The following ARHGAP6 variants were observed in gnomAD, a reference collection of about 807,000 sequenced individuals.
The protein encoded by ARHGAP6 is rho GTPase-activating protein 6.
ARHGAP6 carries 16 observed loss-of-function variants against 55.7 expected under a neutral mutation model. The ratio of observed to expected loss-of-function variants is 0.29; its 90% CI spans 0.19 to 0.44. ARHGAP6 has a LOEUF of 0.44. Ranked by LOEUF, ARHGAP6 falls within the 20% of genes least tolerant of loss-of-function variation. The pLI is 1.00. For missense variants in ARHGAP6, 698 were observed against 808.9 expected (o/e 0.86, Z 1.66); for synonymous variants, 382 against 360.9 (o/e 1.06, Z -0.66).
intron 1 of ARHGAP6, among the ~76,000 whole-genome samples, chrX:11,532,538 TCTGG>T (rs2051061668): frequency 8.9e-6 from 1 of 112,715 alleles, no homozygotes; most frequent in Non-Finnish European, 1.9e-5. Flanking sequence ...TTCTCCAGCC[TCTGG>T]CTGGAAGTAA....
At position 11,405,133 on chromosome X, in the gene ARHGAP6, T is replaced by C. The variant is rs747439691; in HGVS notation, c.589-150426A>G. On this transcript the variant is annotated intron_variant, in intron 1 of 12. Coordinates refer to ENST00000337414, the MANE Select transcript of ARHGAP6 (RefSeq NM_013427.3). ...CAAACGTTAGAGCAGTTCCTGACTCTACTTCTTCATTGCTGCTCTCTTTTC... is the reference window on the plus strand; with the variant it reads ...CAAACGTTAGAGCAGTTCCTGACTCCACTTCTTCATTGCTGCTCTCTTTTC... Among the ~76,000 whole-genome samples the C allele has an allele frequency of 1.1e-4, 12 of 111,841 alleles. No individual in the cohort carries two copies. The South Asian group carries it at 4.6e-3, about 43-fold the overall frequency.
chrX:11,351,278 T>C (rs2048860653), intron 1 of ARHGAP6: 1 of 817,962 alleles, frequency 1.2e-6, no homozygotes, highest in East Asian at 9.9e-5. Flanking sequence ...AAAATAAAAA[T>C]GAACTTTACA....
At chrX:11,497,559 T>TTCTCTC (rs34138329) in intron 1 of ARHGAP6, among the ~76,000 whole-genome samples, 6,783 of 41,034 alleles carry the variant, frequency 0.17, 750 homozygotes, top group Non-Finnish European at 0.22. Flanking sequence ...CCCTCCCTCC[T>TTCTCTC]TCTCTCTCTC....
chrX:11,343,880 T>G (rs1343537315), intron 1 of ARHGAP6, among the ~76,000 whole-genome samples: 2 of 112,219 alleles, frequency 1.8e-5, no homozygotes, highest in Non-Finnish European at 3.8e-5. Context: ...TGTTTTGTAT[T>G]CTGATAAAAG....
rs2052140186 is a variant in ARHGAP6 at position 11,614,502 on chromosome X, AACTC to A, written c.588+49735_588+49738del. ...CTTTCAAACAACCAGATCTCATGAG[AACTC>A]ACTCACTGTCATGAGAACAGCAAGG... On this transcript the variant is annotated intron_variant, in intron 1 of 12. Transcript: ENST00000337414. Among the ~76,000 whole-genome samples the A allele has an allele frequency of 2.7e-5, 3 of 111,410 alleles. No individual in the cohort carries two copies. In the Admixed American group the frequency reaches 2.9e-4, roughly 11 times the overall value.
rs770470448 is a variant in ARHGAP6, at chrX:11,188,939, G to T, written c.866C>A (p.Ala289Glu). 5.8e-6 allele frequency: 7 copies of T among 1,210,955 alleles called. No individual in the cohort carries two copies. Among genetic ancestry groups the T allele is most frequent in the Non-Finnish European group, 3.4e-6 (3 of 895,064 alleles). ...AFGMPLSQVI[A>E]NDRAYKLKQD... ...CTTGAGTTTATAGGCCCTGTCATTC[G>T]CAATGACTTGGGATAAGGGCATTCC... The change falls in exon 4 of 13, where the codon GCG becomes GAG. Residue 289 changes from alanine to glutamate, a missense_variant. By Grantham distance (107) the Ala-to-Glu change is moderately radical (BLOSUM62 -1). This residue lies in a region of ARHGAP6 where 322 missense variants were observed against 451.1 expected (regional missense o/e 0.71). Coordinates refer to ENST00000337414, the MANE Select transcript of ARHGAP6 (RefSeq NM_013427.3).
At chrX:11,557,741 A>G (rs982674592) in intron 1 of ARHGAP6, among the ~76,000 whole-genome samples, 2 of 112,483 alleles carry the variant, frequency 1.8e-5, no homozygotes, top group Non-Finnish European at 3.8e-5. Context: ...ATCCTTAGCT[A>G]GGACAATTTT....
At chrX:11,441,199 G>C (rs183383936) in intron 1 of ARHGAP6, among the ~76,000 whole-genome samples, 2 of 111,636 alleles carry the variant, frequency 1.8e-5, no homozygotes, top group Admixed American at 1.9e-4. Context: ...GCGACTCCCA[G>C]AGCAGGGGTG....
intron 6 of ARHGAP6, 38 bp downstream of exon 6, chrX:11,182,025 T>A: frequency 8.9e-7 from 1 of 1,122,525 alleles, no homozygotes; most frequent in Admixed American, 2.2e-5. Context: ...CAATTGAAAG[T>A]CATGTGAAAC....
chrX:11,437,280 C>T (rs747708239), intron 1 of ARHGAP6, among the ~76,000 whole-genome samples: 108 of 112,278 alleles, frequency 9.6e-4, no homozygotes, highest in Middle Eastern at 4.6e-3. Flanking sequence ...ATGTAACAGT[C>T]ACTGTTTCAA....
At chrX:11,222,617 T>G (rs1204000934) in intron 2 of ARHGAP6, among the ~76,000 whole-genome samples, 6 of 112,280 alleles carry the variant, frequency 5.3e-5, no homozygotes, top group South Asian at 3.6e-4. Context: ...TTTTTAAGTG[T>G]ATTTCTTTAT....
At chrX:11,489,872 A>G (rs1197774712) in intron 1 of ARHGAP6, among the ~76,000 whole-genome samples, 1 of 111,815 alleles carries the variant, frequency 8.9e-6, no homozygotes, top group Non-Finnish European at 1.9e-5. Flanking sequence ...GACAGGTAGC[A>G]GGATGCATTC....
At chrX:11,371,095 A>T (rs1475565882) in intron 1 of ARHGAP6, among the ~76,000 whole-genome samples, 1 of 112,096 alleles carries the variant, frequency 8.9e-6, no homozygotes, top group Non-Finnish European at 1.9e-5. Context: ...CAGAAAGAAG[A>T]GAAATCACCA....
rs1036368461 is a variant in ARHGAP6 at position 11,340,611 on chromosome X, C to T, written c.589-85904G>A. On this transcript the variant is annotated intron_variant, in intron 1 of 12. Transcript: ENST00000337414. ...GGGCGTAGTGGCGGGCGCCTGTAGT[C>T]CCAGCTACTCGGGAGGCTGAGGCAG... Among the ~76,000 whole-genome samples, 3 of 107,613 alleles carry T rather than the reference C, an allele frequency of 2.8e-5. 1 individual carries two copies. The highest frequency in any genetic ancestry group is 1.0e-4 in the African/African-American group (3 of 28,790). 93.4% of individuals were successfully genotyped at this position (107,613 alleles called of 115,157 possible).
intron 1 of ARHGAP6, among the ~76,000 whole-genome samples, chrX:11,518,271 G>A (rs182563406): frequency 3.8e-4 from 42 of 109,900 alleles, no homozygotes; most frequent in Admixed American, 2.0e-3. Flanking sequence ...CTCTCGAGTA[G>A]CTGTGACTAC....
chrX:11,303,137 G>T (rs2048191406), intron 1 of ARHGAP6, among the ~76,000 whole-genome samples: 1 of 112,683 alleles, frequency 8.9e-6, no homozygotes, highest in East Asian at 2.8e-4. Context: ...GAACATAGTA[G>T]CATTTAGTAG....
chrX:11,359,136 A>G (rs2048975974), intron 1 of ARHGAP6, among the ~76,000 whole-genome samples: 1 of 111,962 alleles, frequency 8.9e-6, no homozygotes, highest in Admixed American at 9.5e-5. Flanking sequence ...GGTACTAGGT[A>G]TTACAAATAA....
At chrX:11,533,429 C>G (rs1437533703) in intron 1 of ARHGAP6, among the ~76,000 whole-genome samples, 2 of 112,028 alleles carry the variant, frequency 1.8e-5, no homozygotes, top group East Asian at 5.6e-4. Flanking sequence ...ATCCCTTATT[C>G]AAAATACACA....
chrX:11,405,339 A>G (rs1028079827), intron 1 of ARHGAP6, among the ~76,000 whole-genome samples: 2 of 111,959 alleles, frequency 1.8e-5, no homozygotes, highest in African/African-American at 6.5e-5. Flanking sequence ...CTTTTCATGC[A>G]CCTATCACCA....
Sources: allele counts gnomAD v4.1 joint callset (sites outside exome capture counted in the v4.1 genomes callset), GRCh38; gene constraint gnomAD v4.1.1; regional missense constraint gnomAD v4.1.1; transcripts MANE v1.5; gene names NCBI Gene and HGNC (gene_info 2026-07-23, HGNC 2026-07-21).